ARSK: variants seen among roughly 807,000 people sequenced by gnomAD.
The protein encoded by ARSK is arylsulfatase K.
ARSK carries 37 observed loss-of-function variants against 53.2 expected under a neutral mutation model. That is an observed-to-expected ratio of 0.70 (90% CI 0.54 to 0.92). ARSK has a LOEUF of 0.92. Ranked by LOEUF, ARSK falls within the 40% of genes least tolerant of loss-of-function variation. The pLI is 0.00. For synonymous variants in ARSK, 208 were observed against 223.2 expected, an observed-to-expected ratio of 0.93 and a Z score of 0.61; for missense variants, 613 against 643.0, an observed-to-expected ratio of 0.95 and a Z score of 0.51.
chr5:95,594,156 A>G (rs1455500274), intron 6 of ARSK, among the ~76,000 whole-genome samples: 1 of 152,166 alleles, frequency 6.6e-6, no homozygotes, highest in Non-Finnish European at 1.5e-5. Flanking sequence ...GAGAATACCT[A>G]TGGATGGGTC....
intron 3 of ARSK, among the ~76,000 whole-genome samples, chr5:95,575,739 T>G (rs1237504922): frequency 6.6e-6 from 1 of 152,234 alleles, no homozygotes; most frequent in African/African-American, 2.4e-5. Context: ...GTTTGTTGAT[T>G]TTATGTCCTG....
chr5:95,575,461 C>T, intron 3 of ARSK, among the ~76,000 whole-genome samples: 1 of 151,998 alleles, frequency 6.6e-6, no homozygotes, highest in Non-Finnish European at 1.5e-5. Flanking sequence ...AAATTGCTTT[C>T]AGTAGTATGG....
chr5:95,578,166 T>G (rs1055719087), intron 3 of ARSK, among the ~76,000 whole-genome samples: 13 of 152,016 alleles, frequency 8.6e-5, no homozygotes, highest in Non-Finnish European at 1.5e-4. Context: ...AGAATTTTTT[T>G]TAAGAGATGA....
intron 1 of ARSK, chr5:95,556,582 T>C (rs192113017): frequency 1.3e-5 from 3 of 231,754 alleles, no homozygotes; most frequent in African/African-American, 6.7e-5. Flanking sequence ...GAGGCAATTG[T>C]TCATTCCTAA....
chr5:95,563,973 CTT>C (rs70978189), intron 1 of ARSK, among the ~76,000 whole-genome samples: 5 of 123,948 alleles, frequency 4.0e-5, no homozygotes, highest in South Asian at 2.7e-4. Flanking sequence ...GGGCTATGCA[CTT>C]TTTTTTTTTT....
intron 1 of ARSK, 121 bp from the exon 2 acceptor site, chr5:95,565,877 A>G: frequency 1.0e-6 from 1 of 962,906 alleles, no homozygotes; most frequent in Non-Finnish European, 1.5e-6. Context: ...TTTTGTTTTT[A>G]TCTTTGGAGG....
intron 6 of ARSK, 92 bp from the exon 7 acceptor site, chr5:95,600,755 G>C: frequency 8.0e-7 from 1 of 1,249,540 alleles, no homozygotes; most frequent in South Asian, 1.2e-5. Context: ...GCATTTAATG[G>C]TATGAAAAAA....
At chr5:95,573,734 ATTG>A (rs1267148503) in intron 3 of ARSK, among the ~76,000 whole-genome samples, 4 of 152,288 alleles carry the variant, frequency 2.6e-5, no homozygotes, top group African/African-American at 7.2e-5. Flanking sequence ...AGTATTTTTA[ATTG>A]TTGTATGTAC....
rs1749461960 is a variant in ARSK, at chr5:95,604,193, T to TTTG, written c.*667_*668insTTG. ...ATTTGATGGTGCTCGATGAGTTACT[T>TTTG]GTATTTGATGGGATTGTTTGGATGT... On this transcript the variant is annotated 3_prime_UTR_variant, in exon 8 of 8. Coordinates refer to ENST00000380009, the MANE Select transcript of ARSK (RefSeq NM_198150.3). 1 of 152,212 alleles carries TTTG rather than the reference T, an allele frequency of 6.6e-6. No individual in the cohort carries two copies. Among genetic ancestry groups the TTTG allele is most frequent in the Non-Finnish European group, 1.5e-5 (1 of 68,028 alleles). The allele number at this position is 152,212 out of a possible 1,614,324, so 9.4% of individuals were successfully genotyped here.
chr5:95,596,934 TA>T (rs1182715583), intron 6 of ARSK, among the ~76,000 whole-genome samples: 21 of 152,242 alleles, frequency 1.4e-4, no homozygotes, highest in African/African-American at 5.1e-4. Flanking sequence ...TCAAATAAAC[TA>T]ATTCTATCAC....
intron 6 of ARSK, among the ~76,000 whole-genome samples, chr5:95,596,511 C>T (rs1014793360): frequency 1.3e-5 from 2 of 152,006 alleles, no homozygotes; most frequent in African/African-American, 4.8e-5. Flanking sequence ...GTGTATTTGA[C>T]TTTTAAAATA....
chr5:95,563,418 C>CATATTTCAT (rs1207366835), intron 1 of ARSK, among the ~76,000 whole-genome samples: 2 of 152,180 alleles, frequency 1.3e-5, no homozygotes, highest in Non-Finnish European at 2.9e-5. Context: ...TTGCATACCG[C>CATATTTCAT]TCACTGCCTT....
intron 6 of ARSK, among the ~76,000 whole-genome samples, chr5:95,593,679 C>T (rs1039510984): frequency 6.6e-6 from 1 of 152,126 alleles, no homozygotes; most frequent in Non-Finnish European, 1.5e-5. Context: ...CATGCATCTA[C>T]CTATCATCAC....
intron 3 of ARSK, among the ~76,000 whole-genome samples, chr5:95,580,393 G>T (rs1203194223): frequency 1.3e-5 from 2 of 152,192 alleles, no homozygotes; most frequent in Non-Finnish European, 1.5e-5. Context: ...CGAAAGATAT[G>T]ATTTCCAGGT....
chr5:95,585,257 CAG>C (rs1487209869), intron 4 of ARSK, among the ~76,000 whole-genome samples: 5 of 152,136 alleles, frequency 3.3e-5, no homozygotes, highest in Non-Finnish European at 7.3e-5. Flanking sequence ...CGATGGAAAA[CAG>C]TGTGGAGATT....
chr5:95,595,402 A>G (rs757704045), intron 6 of ARSK, among the ~76,000 whole-genome samples: 10 of 152,254 alleles, frequency 6.6e-5, no homozygotes, highest in African/African-American at 9.6e-5. Context: ...TCACAATAGT[A>G]AAGGCATGGA....
intron 6 of ARSK, 200 bp from the exon 7 acceptor site, chr5:95,600,647 A>C (rs1001029721): frequency 1.5e-6 from 1 of 687,482 alleles, no homozygotes; most frequent in Non-Finnish European, 2.7e-6. Context: ...AGGTTGAGAT[A>C]AGTAAATTAC....
chr5:95,556,459 T>G, intron 1 of ARSK: 1 of 532,208 alleles, frequency 1.9e-6, no homozygotes. Flanking sequence ...TCAGAGCTGC[T>G]TTCCAATAGG....
chr5:95,600,385 AGAC>A (rs1749381573), intron 6 of ARSK, among the ~76,000 whole-genome samples: 1 of 152,218 alleles, frequency 6.6e-6, no homozygotes, highest in Admixed American at 6.5e-5. Context: ...CAAACATATA[AGAC>A]TACTAAACCC....
Sources: allele counts gnomAD v4.1 joint callset (sites outside exome capture counted in the v4.1 genomes callset), GRCh38; gene constraint gnomAD v4.1.1; transcripts MANE v1.5; gene names NCBI Gene and HGNC (gene_info 2026-07-23, HGNC 2026-07-21).